PDGFC: variants seen among roughly 807,000 people sequenced by gnomAD.
The protein encoded by PDGFC is platelet derived growth factor C.
A neutral mutation model predicts 35.5 loss-of-function variants in PDGFC; 12 were observed. That is an observed-to-expected ratio of 0.34 (90% CI 0.22 to 0.55). The LOEUF is 0.55. Ranked by LOEUF, PDGFC falls within the 20% of genes least tolerant of loss-of-function variation. The pLI, the probability that PDGFC is intolerant of heterozygous loss-of-function variation, is 0.91. For missense variants in PDGFC, 322 were observed against 412.4 expected, an observed-to-expected ratio of 0.78 and a Z score of 1.90; for synonymous variants, 159 against 148.8, an observed-to-expected ratio of 1.07 and a Z score of -0.50.
intron 1 of PDGFC, among the ~76,000 whole-genome samples, chr4:156,859,261 G>C (rs1729653040): frequency 6.6e-6 from 1 of 151,948 alleles, no homozygotes. Flanking sequence ...ACTGCTTCCT[G>C]TTCCATTTAG....
chr4:156,856,456 A>C (rs1014279737), intron 1 of PDGFC, among the ~76,000 whole-genome samples: 1 of 152,136 alleles, frequency 6.6e-6, no homozygotes, highest in Non-Finnish European at 1.5e-5. Flanking sequence ...TTCCTGGACC[A>C]GCTATACTAG....
intron 1 of PDGFC, among the ~76,000 whole-genome samples, chr4:156,920,601 G>A (rs557864071): frequency 6.6e-6 from 1 of 151,244 alleles, no homozygotes; most frequent in South Asian, 2.1e-4. Flanking sequence ...TATACTTTGA[G>A]AATATACAAA....
At chr4:156,824,219 G>C (rs1027384653) in intron 2 of PDGFC, among the ~76,000 whole-genome samples, 2 of 147,512 alleles carry the variant, frequency 1.4e-5, no homozygotes, top group African/African-American at 5.0e-5. Context: ...TCCAAAACTA[G>C]GCTTTTTGCC....
chr4:156,912,808 C>T (rs185880259), intron 1 of PDGFC, among the ~76,000 whole-genome samples: 72 of 151,192 alleles, frequency 4.8e-4, no homozygotes, highest in Middle Eastern at 3.4e-3. Context: ...ATGTCCTTCA[C>T]GGTGGGATGC....
intron 1 of PDGFC, among the ~76,000 whole-genome samples, chr4:156,946,937 G>C (rs866414644): frequency 6.6e-6 from 1 of 151,942 alleles, no homozygotes; most frequent in Non-Finnish European, 1.5e-5. Context: ...TGTTACTTCA[G>C]GGAAAAAGAA....
At chr4:156,837,345 C>T (rs767333521) in intron 2 of PDGFC, among the ~76,000 whole-genome samples, 28 of 152,002 alleles carry the variant, frequency 1.8e-4, no homozygotes, top group East Asian at 5.8e-4. Context: ...TGCCACTGCA[C>T]GGCAGCCTGG....
At chr4:156,931,797 A>G (rs1279481091) in intron 1 of PDGFC, among the ~76,000 whole-genome samples, 1 of 152,150 alleles carries the variant, frequency 6.6e-6, no homozygotes, top group Non-Finnish European at 1.5e-5. Context: ...GATTTTAAAC[A>G]CTACATTTAT....
intron 1 of PDGFC, among the ~76,000 whole-genome samples, chr4:156,949,326 G>A (rs528361835): frequency 1.3e-5 from 2 of 151,748 alleles, no homozygotes. Context: ...CTTGATTAAC[G>A]TGCAAAGTAA....
intron 1 of PDGFC, among the ~76,000 whole-genome samples, chr4:156,919,299 C>T (rs1731220344): frequency 6.6e-6 from 1 of 152,072 alleles, no homozygotes; most frequent in Non-Finnish European, 1.5e-5. Context: ...CAGGTGATCC[C>T]CAACTTTCCT....
At chr4:156,888,255 T>G (rs1730422472) in intron 1 of PDGFC, among the ~76,000 whole-genome samples, 1 of 152,080 alleles carries the variant, frequency 6.6e-6, no homozygotes, top group Admixed American at 6.5e-5. Context: ...ATCAGAAACA[T>G]CATACTCACC....
chr4:156,909,748 C>T (rs1027111814), intron 1 of PDGFC, among the ~76,000 whole-genome samples: 2 of 152,054 alleles, frequency 1.3e-5, no homozygotes, highest in African/African-American at 4.8e-5. Flanking sequence ...AACAGTATTC[C>T]CTCAAAGATA....
At chr4:156,907,565 T>G (rs890276151) in intron 1 of PDGFC, among the ~76,000 whole-genome samples, 1 of 152,092 alleles carries the variant, frequency 6.6e-6, no homozygotes, top group Non-Finnish European at 1.5e-5. Flanking sequence ...CTAGTCCTCA[T>G]GGTTGAAAAG....
intron 2 of PDGFC, among the ~76,000 whole-genome samples, chr4:156,839,018 AG>A (rs1729134436): frequency 1.3e-5 from 2 of 152,218 alleles, no homozygotes. Context: ...ACAAAGAAAC[AG>A]ATGGTGAGGA....
intron 1 of PDGFC, among the ~76,000 whole-genome samples, chr4:156,961,407 T>G (rs559207852): frequency 1.3e-5 from 2 of 152,246 alleles, no homozygotes; most frequent in African/African-American, 4.8e-5. Context: ...ACTGGGCATA[T>G]TTAAGCACAG....
chr4:156,839,652 G>C (rs1005987840), intron 2 of PDGFC, among the ~76,000 whole-genome samples: 1 of 152,194 alleles, frequency 6.6e-6, no homozygotes, highest in Non-Finnish European at 1.5e-5. Flanking sequence ...GAACCATTTG[G>C]AGGGATCAGA....
chr4:156,942,967 C>T (rs1353043728), intron 1 of PDGFC, among the ~76,000 whole-genome samples: 1 of 151,988 alleles, frequency 6.6e-6, no homozygotes, highest in Non-Finnish European at 1.5e-5. Flanking sequence ...GACTTAACGT[C>T]CTATCCCAAG....
chr4:156,880,158 A>C (rs1730208113), intron 1 of PDGFC, among the ~76,000 whole-genome samples: 1 of 152,192 alleles, frequency 6.6e-6, no homozygotes, highest in Admixed American at 6.5e-5. Flanking sequence ...AACAGTCTTC[A>C]GTTGGAAGAA....
chr4:156,814,541 C>A (rs1298262094), intron 2 of PDGFC, among the ~76,000 whole-genome samples: 2 of 152,068 alleles, frequency 1.3e-5, no homozygotes, highest in Admixed American at 1.3e-4. Flanking sequence ...CAGCAGAACA[C>A]ATTGTGTACA....
chr4:156,923,782 C>G (rs1393031510), intron 1 of PDGFC, among the ~76,000 whole-genome samples: 2 of 151,784 alleles, frequency 1.3e-5, no homozygotes, highest in African/African-American at 4.8e-5. Flanking sequence ...TCATCATTTA[C>G]TAATACATGT....
Sources: gnomAD v4.1 joint callset for allele counts (sites outside exome capture counted in the v4.1 genomes callset) on GRCh38, gnomAD v4.1.1 for gene constraint, MANE v1.5 for transcripts, NCBI Gene and HGNC (gene_info 2026-07-23, HGNC 2026-07-21) for gene names.